Variants in ARHGEF10L observed in about 807,000 individuals in gnomAD.
ARHGEF10L encodes the protein Rho guanine nucleotide exchange factor 10 like.
ARHGEF10L carries 69 observed loss-of-function variants against 141.2 expected under a neutral mutation model. That is an observed-to-expected ratio of 0.49 (90% CI 0.40 to 0.60). The LOEUF (loss-of-function observed/expected upper bound fraction) is 0.60. ARHGEF10L is among the 20% of genes least tolerant of loss of function. The probability of loss-of-function intolerance (pLI) is 0.00; values close to 1 mark genes in which losing one functional copy is unlikely to be tolerated. For missense variants in ARHGEF10L, 1,482 were observed against 1,734.3 expected (o/e 0.85, Z 2.58); for synonymous variants, 711 against 718.5 (o/e 0.99, Z 0.17).
chr1:17,610,108 C>T (rs1179035434), intron 7 of ARHGEF10L, among the ~76,000 whole-genome samples: 1 of 152,224 alleles, frequency 6.6e-6, no homozygotes, highest in East Asian at 1.9e-4. Context: ...GATGACAATG[C>T]TGAATTCAGG....
At chr1:17,540,314 C>A (rs1015702458) in intron 1 of ARHGEF10L, among the ~76,000 whole-genome samples, 1 of 151,522 alleles carries the variant, frequency 6.6e-6, no homozygotes, top group African/African-American at 2.4e-5. Flanking sequence ...CTTCTTCCTG[C>A]GCTGACCTTG....
intron 4 of ARHGEF10L, among the ~76,000 whole-genome samples, chr1:17,593,481 G>A (rs1257781284): frequency 1.3e-5 from 2 of 152,174 alleles, no homozygotes; most frequent in Non-Finnish European, 2.9e-5. Flanking sequence ...CACCACAAGG[G>A]TTGTGACAAG....
chr1:17,587,128 C>T (rs2100639970), intron 2 of ARHGEF10L, among the ~76,000 whole-genome samples: 1 of 152,314 alleles, frequency 6.6e-6, no homozygotes, highest in Admixed American at 6.5e-5. Flanking sequence ...CGCATAAACA[C>T]ACATGTAAAA....
chr1:17,655,039 G>A (rs1330305989), intron 23 of ARHGEF10L, among the ~76,000 whole-genome samples: 1 of 152,190 alleles, frequency 6.6e-6, no homozygotes, highest in African/African-American at 2.4e-5. Flanking sequence ...CTGGAGTCAG[G>A]AGGCAGGGCT....
chr1:17,607,026 G>T lies in ARHGEF10L; in HGVS notation c.434-776G>T, dbSNP rs1040775568. Among the ~76,000 whole-genome samples, 1 of 152,304 alleles carries T rather than the reference G, an allele frequency of 6.6e-6. No individual in the cohort carries two copies. Among genetic ancestry groups the T allele is most frequent in the African/African-American group, 2.4e-5 (1 of 41,568 alleles). On this transcript the variant is annotated intron_variant, in intron 6 of 28. Coordinates refer to ENST00000361221, the MANE Select transcript of ARHGEF10L (RefSeq NM_018125.4). This position sits in a 1 kb window ranked among gnomAD's most constrained non-coding sequence, Gnocchi z 4.5. ...AGCTCCTGGACTCTGGGCCAGCTGC[G>T]CCCCCTACTGGAAGATCCCAGGCTG...
At chr1:17,561,159 C>T (rs1420314112) in intron 1 of ARHGEF10L, among the ~76,000 whole-genome samples, 1 of 152,218 alleles carries the variant, frequency 6.6e-6, no homozygotes, top group African/African-American at 2.4e-5. Context: ...GTAGTAGGTG[C>T]TCAGTAAGGT....
intron 26 of ARHGEF10L, 56 bp downstream of exon 26, chr1:17,664,651 C>T (rs972844814): frequency 6.9e-7 from 1 of 1,454,808 alleles, no homozygotes; most frequent in Non-Finnish European, 9.0e-7. Context: ...TTTTGCTGAC[C>T]CTTTCTTATG....
intron 7 of ARHGEF10L, 34 bp from the exon 8 acceptor site, chr1:17,613,024 T>C: frequency 6.7e-7 from 1 of 1,486,258 alleles, no homozygotes. Flanking sequence ...TCCTCTCACC[T>C]GCTTTCCTTC....
At chr1:17,653,802 G>A (rs765961984) in intron 22 of ARHGEF10L, among the ~76,000 whole-genome samples, 8 of 152,236 alleles carry the variant, frequency 5.3e-5, no homozygotes, top group Non-Finnish European at 4.4e-5. Context: ...AGCCAGGCAC[G>A]CCTCCCTCTG....
intron 22 of ARHGEF10L, among the ~76,000 whole-genome samples, chr1:17,651,147 A>C (rs3766310): frequency 0.12 from 18,857 of 152,078 alleles, 1,429 homozygotes; most frequent in Non-Finnish European, 0.17. Context: ...CTCTCTCTCT[A>C]TATATATACA....
At chr1:17,531,325 C>T in the ARHGEF10L span, among the ~76,000 whole-genome samples, 231 of 152,306 alleles carry the variant, frequency 1.5e-3, 1 homozygote, top group Non-Finnish European at 2.5e-3. Flanking sequence ...TGTGCCTCTG[C>T]TGACCCACTA....
At chr1:17,572,177 C>T (rs1340482768) in intron 1 of ARHGEF10L, among the ~76,000 whole-genome samples, 1 of 152,224 alleles carries the variant, frequency 6.6e-6, no homozygotes, top group Non-Finnish European at 1.5e-5. Context: ...GTCAGTCCAC[C>T]CGATGTGGGA....
rs577535208 is a variant in ARHGEF10L, at chr1:17,632,711, G to A, written c.1730+245G>A. ...ACACAGCTGTCCATGGTACAGAGTT[G>A]TTTGTTTTGGAACTCTGCAGTTGGT... On this transcript the variant is annotated intron_variant, in intron 16 of 28. Transcript: ENST00000361221. 2.6e-5 allele frequency among the ~76,000 whole-genome samples: 4 copies of A among 152,346 alleles called. No homozygotes were observed. In the South Asian group the frequency reaches 6.2e-4, roughly 24 times the overall value.
At position 17,619,249 on chromosome 1, in the gene ARHGEF10L, G is replaced by A. The variant is rs2101359069; in HGVS notation, c.836-90G>A. 2.3e-6 allele frequency: 3 copies of A among 1,307,536 alleles called. No homozygotes were observed. The highest frequency in any genetic ancestry group is 3.2e-6 in the Non-Finnish European group (3 of 927,944). The allele number at this position is 1,307,536 out of a possible 1,614,324, so 81.0% of individuals were successfully genotyped here. On this transcript the variant is annotated intron_variant, in intron 9 of 28. Transcript: ENST00000361221. This position sits in a 1 kb window ranked among gnomAD's most constrained non-coding sequence, Gnocchi z 5.0. ...TTGCACCCTAGGACCTGGGTCCAAGGCTGGTCTAGGGGGGCTCTCAGCTCC... is the reference window on the plus strand; with the variant it reads ...TTGCACCCTAGGACCTGGGTCCAAGACTGGTCTAGGGGGGCTCTCAGCTCC...
Position 17,619,485 on chromosome 1 carries a change from A to C in ARHGEF10L, c.942+40A>C. The C allele has an allele frequency of 1.6e-4, 136 of 841,382 alleles. No homozygotes were observed. The highest frequency in any genetic ancestry group is 2.2e-4 in the Non-Finnish European group (128 of 580,582). The allele number at this position is 841,382 out of a possible 1,614,324, so 52.1% of individuals were successfully genotyped here. On this transcript the variant is annotated intron_variant, in intron 10 of 28. Transcript: ENST00000361221. The surrounding 1 kb of genome is among the most constrained non-coding windows in gnomAD (Gnocchi z 5.0). ...GGGGCAGGTGGGGGTCTGCAGGGGA[A>C]GGGGTGGCTTGGGGGTTCCAGCCTG...
chr1:17,586,707 G>A (rs990690594), intron 2 of ARHGEF10L, among the ~76,000 whole-genome samples: 2 of 152,166 alleles, frequency 1.3e-5, no homozygotes, highest in Admixed American at 6.5e-5. Flanking sequence ...TCAGGGATCC[G>A]AGCTTGGTGG....
chr1:17,550,069 G>A (rs2077055281), intron 1 of ARHGEF10L, among the ~76,000 whole-genome samples: 1 of 152,194 alleles, frequency 6.6e-6, no homozygotes, highest in African/African-American at 2.4e-5. Context: ...CTGGGAACCA[G>A]AGGAAAGGCA....
chr1:17,613,872 G>A (rs147441917), intron 8 of ARHGEF10L, among the ~76,000 whole-genome samples: 1,806 of 152,226 alleles, frequency 0.012, 18 homozygotes, highest in South Asian at 0.025. Flanking sequence ...TCTGAGCCTC[G>A]GTTTCCCTGC....
chr1:17,527,248 G>A, the ARHGEF10L span, among the ~76,000 whole-genome samples: 1 of 152,256 alleles, frequency 6.6e-6, no homozygotes, highest in South Asian at 2.1e-4. Flanking sequence ...TCTCACCCCA[G>A]AACCGGGTGG....
Sources: gnomAD v4.1 joint callset for allele counts (sites outside exome capture counted in the v4.1 genomes callset) on GRCh38, gnomAD v4.1.1 for gene constraint, Gnocchi (gnomAD v3.1) non-coding constraint, MANE v1.5 for transcripts, NCBI Gene and HGNC (gene_info 2026-07-23, HGNC 2026-07-21) for gene names.